The following CPXM2 variants were observed in gnomAD, a reference collection of about 807,000 sequenced individuals.
CPXM2 encodes the protein carboxypeptidase X, M14 family member 2.
In CPXM2, 66 loss-of-function variants were observed where a neutral mutation model predicts 86.1. That is an observed-to-expected ratio of 0.77 (90% confidence interval 0.63 to 0.94). The LOEUF (loss-of-function observed/expected upper bound fraction) is 0.94. CPXM2 is among the 40% of genes least tolerant of loss of function. CPXM2 has a pLI of 0.00. For missense variants in CPXM2, 948 were observed against 1,026.3 expected, an observed-to-expected ratio of 0.92 and a Z score of 1.04; for synonymous variants, 388 against 400.2, an observed-to-expected ratio of 0.97 and a Z score of 0.36.
intron 4 of CPXM2, among the ~76,000 whole-genome samples, chr10:123,839,947 C>T (rs1232272141): frequency 6.6e-6 from 1 of 152,176 alleles, no homozygotes; most frequent in South Asian, 2.1e-4. Flanking sequence ...GAGATGTTCC[C>T]ATACTGTCTG....
At chr10:123,802,431 C>T (rs112411532) in intron 4 of CPXM2, among the ~76,000 whole-genome samples, 55 of 152,310 alleles carry the variant, frequency 3.6e-4, no homozygotes, top group African/African-American at 1.3e-3. Flanking sequence ...CATTTTGTTT[C>T]AGACCTAGTT....
rs1263454784 is a variant in CPXM2 at position 123,862,740 on chromosome 10, C to T, written c.404-17G>A. On this transcript the variant is annotated splice_polypyrimidine_tract_variant and intron_variant, in intron 2 of 13. Coordinates refer to ENST00000241305, the MANE Select transcript of CPXM2 (RefSeq NM_198148.3). The stretch of plus-strand genomic sequence containing the variant: ...GTGGGCAACCTGGAAAGGACAAATG[C>T]TTGTTAAAAACAACGACAGATGCTG... 6.3e-7 allele frequency: 1 copy of T among 1,597,918 alleles called. No homozygotes were observed. The highest frequency in any genetic ancestry group is 2.2e-5 in the East Asian group (1 of 44,804).
intron 2 of CPXM2, among the ~76,000 whole-genome samples, chr10:123,934,060 T>C (rs890458303): frequency 2.0e-5 from 3 of 152,096 alleles, no homozygotes; most frequent in Non-Finnish European, 4.4e-5. Flanking sequence ...GTAAGTCCTC[T>C]TCACTTTTGT....
chr10:123,943,681 T>C (rs987021355), upstream of CPXM2, among the ~76,000 whole-genome samples: 1 of 152,228 alleles, frequency 6.6e-6, no homozygotes, highest in Non-Finnish European at 1.5e-5. Flanking sequence ...ATGTGCCAAC[T>C]GGCTGGAGCC....
chr10:123,907,178 T>C (rs1265952381), intron 2 of CPXM2, among the ~76,000 whole-genome samples: 1 of 152,216 alleles, frequency 6.6e-6, no homozygotes, highest in East Asian at 1.9e-4. Flanking sequence ...TAGACATACC[T>C]GCTCCTGCTG....
intron 2 of CPXM2, among the ~76,000 whole-genome samples, chr10:123,897,882 G>A (rs912246602): frequency 3.9e-5 from 6 of 152,258 alleles, no homozygotes; most frequent in Admixed American, 3.9e-4. Context: ...AGAATCAGAA[G>A]CAAGGGTTTG....
intron 1 of CPXM2, among the ~76,000 whole-genome samples, chr10:123,881,228 C>G (rs1945083787): frequency 1.1e-5 from 1 of 94,224 alleles, no homozygotes; most frequent in South Asian, 2.9e-4. Context: ...CTGGAGCACC[C>G]TTCTCTTCCC....
intron 6 of CPXM2, among the ~76,000 whole-genome samples, chr10:123,789,609 AAAG>A (rs1400231782): frequency 1.3e-5 from 2 of 152,358 alleles, no homozygotes; most frequent in African/African-American, 4.8e-5. Context: ...TTGGTGCTTA[AAAG>A]AAGAACCAGC....
At chr10:123,758,571 CT>C (rs1846266944) in intron 11 of CPXM2, among the ~76,000 whole-genome samples, 1 of 152,188 alleles carries the variant, frequency 6.6e-6, no homozygotes, top group African/African-American at 2.4e-5. Flanking sequence ...TCCAAATAAG[CT>C]AACATTCCCA....
chr10:123,912,060 G>A (rs1441137720), intron 2 of CPXM2, among the ~76,000 whole-genome samples: 1 of 152,094 alleles, frequency 6.6e-6, no homozygotes, highest in Non-Finnish European at 1.5e-5. Context: ...TGCACAGCTA[G>A]ACCTCTCGAC....
At chr10:123,750,151 T>C in intron 13 of CPXM2, 1 of 985,360 alleles carries the variant, frequency 1.0e-6, no homozygotes, top group Non-Finnish European at 1.2e-6. Flanking sequence ...AAGCTATTCT[T>C]ACTAATTTTC....
At chr10:123,823,365 A>T (rs964354977) in intron 4 of CPXM2, among the ~76,000 whole-genome samples, 3 of 152,198 alleles carry the variant, frequency 2.0e-5, no homozygotes, top group Non-Finnish European at 4.4e-5. Context: ...GAAAAAGTGG[A>T]TTGCTAATAT....
chr10:123,776,804 C>T (rs1846802494), intron 7 of CPXM2: 1 of 152,014 alleles, frequency 6.6e-6, no homozygotes, highest in Non-Finnish European at 1.5e-5. Context: ...TGAAAACTGC[C>T]TTTTTTTTAG....
At chr10:123,943,687 G>C (rs1027239651), upstream of CPXM2, among the ~76,000 whole-genome samples, 1 of 152,222 alleles carries the variant, frequency 6.6e-6, no homozygotes, top group East Asian at 1.9e-4. Flanking sequence ...CAACTGGCTG[G>C]AGCCTGTTGC....
chr10:123,839,787 T>C (rs1234509236), intron 4 of CPXM2, among the ~76,000 whole-genome samples: 1 of 152,242 alleles, frequency 6.6e-6, no homozygotes, highest in Non-Finnish European at 1.5e-5. Flanking sequence ...CATTTCCTCT[T>C]CAGTCCTCGT....
chr10:123,915,027 T>G (rs1471506841), intron 2 of CPXM2, among the ~76,000 whole-genome samples: 4 of 152,226 alleles, frequency 2.6e-5, no homozygotes, highest in African/African-American at 9.6e-5. Flanking sequence ...GGTTTGAGAT[T>G]GGACCTGCTC....
intron 1 of CPXM2, among the ~76,000 whole-genome samples, chr10:123,884,889 G>A (rs890056211): frequency 6.6e-6 from 1 of 152,226 alleles, no homozygotes; most frequent in Non-Finnish European, 1.5e-5. Context: ...GCAGTGCCCT[G>A]TGGCCCCCAC....
At chr10:123,835,055 C>A (rs529525170) in intron 4 of CPXM2, among the ~76,000 whole-genome samples, 1 of 152,338 alleles carries the variant, frequency 6.6e-6, no homozygotes, top group East Asian at 1.9e-4. Context: ...AAATAAACCT[C>A]TTTTCTTTAT....
intron 4 of CPXM2, among the ~76,000 whole-genome samples, chr10:123,821,879 A>G (rs1847931627): frequency 6.6e-6 from 1 of 152,240 alleles, no homozygotes; most frequent in Non-Finnish European, 1.5e-5. Flanking sequence ...TTAATTCTCC[A>G]TTTGATTTGC....
Sources: allele counts gnomAD v4.1 joint callset (sites outside exome capture counted in the v4.1 genomes callset), GRCh38; gene constraint gnomAD v4.1.1; transcripts MANE v1.5; gene names NCBI Gene and HGNC (gene_info 2026-07-23, HGNC 2026-07-21).